Variants in CBLB observed in about 807,000 individuals in gnomAD.
The protein encoded by CBLB is Cbl proto-oncogene B.
A neutral mutation model predicts 104.9 loss-of-function variants in CBLB; 31 were observed. That is an observed-to-expected ratio of 0.30 (90% confidence interval 0.22 to 0.40). The LOEUF (loss-of-function observed/expected upper bound fraction) is 0.40. Among genes scored for constraint, CBLB ranks in the 10% least tolerant of loss-of-function variants. The pLI, the probability that CBLB is intolerant of heterozygous loss-of-function variation, is 1.00. For missense variants in CBLB, 1,062 were observed against 1,214.6 expected, an observed-to-expected ratio of 0.87 and a Z score of 1.87; for synonymous variants, 440 against 422.6, an observed-to-expected ratio of 1.04 and a Z score of -0.51.
chr3:105,747,763 A>T (rs775039703), intron 5 of CBLB, among the ~76,000 whole-genome samples: 6 of 152,200 alleles, frequency 3.9e-5, no homozygotes, highest in Admixed American at 3.3e-4. Context: ...GAAATACCAA[A>T]CAAATATTTG....
chr3:105,781,408 C>G (rs2080238761), intron 3 of CBLB, among the ~76,000 whole-genome samples: 1 of 152,058 alleles, frequency 6.6e-6, no homozygotes, highest in African/African-American at 2.4e-5. Context: ...GCATATAATG[C>G]TTGATGGAGG....
chr3:105,836,019 T>C (rs1028654291), intron 3 of CBLB, among the ~76,000 whole-genome samples: 43 of 152,218 alleles, frequency 2.8e-4, no homozygotes, highest in African/African-American at 5.3e-4. Flanking sequence ...GATCTTCCAA[T>C]ATAAAGGTTA....
chr3:105,739,017 C>T (rs961586554), intron 7 of CBLB, among the ~76,000 whole-genome samples: 1 of 152,156 alleles, frequency 6.6e-6, no homozygotes, highest in Non-Finnish European at 1.5e-5. Flanking sequence ...AGGTGATTAA[C>T]CCATCTTAGC....
chr3:105,822,761 T>C (rs1449503819), intron 3 of CBLB, among the ~76,000 whole-genome samples: 2 of 152,230 alleles, frequency 1.3e-5, no homozygotes, highest in Middle Eastern at 3.2e-3. Context: ...ATATTACTAA[T>C]ATTATTCACT....
intron 9 of CBLB, among the ~76,000 whole-genome samples, chr3:105,731,529 T>A (rs2074313325): frequency 6.6e-6 from 1 of 152,206 alleles, no homozygotes; most frequent in African/African-American, 2.4e-5. Flanking sequence ...TTAAGAAGTA[T>A]ATAGAAAGTA....
At chr3:105,869,135 G>T, upstream of CBLB, 1 of 754,130 alleles carries the variant, frequency 1.3e-6, no homozygotes, top group Non-Finnish European at 1.8e-6. Context: ...GCAGCCAATG[G>T]ACGGGAGGCG....
chr3:105,716,803 TAA>T (rs1379832303), intron 10 of CBLB, among the ~76,000 whole-genome samples: 1 of 152,184 alleles, frequency 6.6e-6, no homozygotes, highest in Non-Finnish European at 1.5e-5. Context: ...GACTGCCAAA[TAA>T]GCTACTGAAG....
At chr3:105,702,485 A>AAAC in intron 11 of CBLB, 26 bp from the exon 12 acceptor site, 3 of 1,469,384 alleles carry the variant, frequency 2.0e-6, no homozygotes, top group African/African-American at 1.4e-5. Flanking sequence ...AGAAAAAAAA[A>AAAC]AAAAAAAAAA....
At chr3:105,858,867 G>C (rs2091857728) in intron 2 of CBLB, among the ~76,000 whole-genome samples, 1 of 152,106 alleles carries the variant, frequency 6.6e-6, no homozygotes, top group Admixed American at 6.5e-5. Flanking sequence ...AAATGTATTA[G>C]AAATATTTAA....
At chr3:105,766,378 C>G (rs1290476265) in intron 4 of CBLB, among the ~76,000 whole-genome samples, 2 of 152,120 alleles carry the variant, frequency 1.3e-5, no homozygotes, top group Non-Finnish European at 2.9e-5. Context: ...GGACTGACTC[C>G]AATTTTGAAT....
At chr3:105,731,389 CA>C (rs2074296219) in intron 9 of CBLB, among the ~76,000 whole-genome samples, 1 of 152,054 alleles carries the variant, frequency 6.6e-6, no homozygotes, top group Non-Finnish European at 1.5e-5. Flanking sequence ...TTGATAGAAA[CA>C]AGAGTTAAGG....
At chr3:105,732,064 C>T (rs892452999) in intron 9 of CBLB, among the ~76,000 whole-genome samples, 4 of 152,188 alleles carry the variant, frequency 2.6e-5, no homozygotes, top group East Asian at 3.9e-4. Context: ...GTAAAAACCA[C>T]ACTACCACCC....
chr3:105,820,892 T>C (rs2085748298), intron 3 of CBLB, among the ~76,000 whole-genome samples: 1 of 152,134 alleles, frequency 6.6e-6, no homozygotes, highest in African/African-American at 2.4e-5. Context: ...TTCCTTTTTG[T>C]TCTTTACTCA....
intron 3 of CBLB, among the ~76,000 whole-genome samples, chr3:105,791,220 C>T (rs80190767): frequency 0.073 from 11,054 of 152,150 alleles, 572 homozygotes; most frequent in East Asian, 0.29. Context: ...CAATAGTGCA[C>T]AGAGAAGAAT....
Position 105,702,268 on chromosome 3 carries a change from A to G in CBLB, c.1785T>C (p.Pro595=). 1 of 1,613,982 alleles carries G rather than the reference A, an allele frequency of 6.2e-7. No individual in the cohort carries two copies. The highest frequency in any genetic ancestry group is 2.2e-5 in the East Asian group (1 of 44,862). The change falls in exon 12 of 19, where the codon CCT becomes CCC. Residue 595 remains proline, a synonymous_variant. Coordinates refer to ENST00000394030, the MANE Select transcript of CBLB (RefSeq NM_170662.5). ...DPPMPLEAWC[P]RDVFGTNQLV... ...GCTGATTAGTCCCAAACACATCCCG[A>G]GGGCACCATGCTTCAAGAGGCATTG...
At chr3:105,735,267 C>T (rs1235169343) in intron 8 of CBLB, among the ~76,000 whole-genome samples, 1 of 151,908 alleles carries the variant, frequency 6.6e-6, no homozygotes, top group South Asian at 2.1e-4. Flanking sequence ...TGTGAATATA[C>T]AAAAATTTTG....
chr3:105,843,204 C>T (rs1249197477), intron 3 of CBLB, among the ~76,000 whole-genome samples: 1 of 152,132 alleles, frequency 6.6e-6, no homozygotes, highest in East Asian at 1.9e-4. Context: ...ATTCAACATG[C>T]CACTTTCAGA....
chr3:105,733,550 C>T (rs1299670444), intron 9 of CBLB, among the ~76,000 whole-genome samples: 2 of 152,154 alleles, frequency 1.3e-5, no homozygotes, highest in Admixed American at 1.3e-4. Flanking sequence ...AGAGATACTT[C>T]CTGTCTGATT....
chr3:105,862,088 C>A (rs569596371), intron 2 of CBLB, among the ~76,000 whole-genome samples: 1 of 152,152 alleles, frequency 6.6e-6, no homozygotes, highest in East Asian at 1.9e-4. Context: ...TATTTAATTA[C>A]ACCCCTCAAT....
Sources: allele counts gnomAD v4.1 joint callset (sites outside exome capture counted in the v4.1 genomes callset), GRCh38; gene constraint gnomAD v4.1.1; transcripts MANE v1.5; gene names NCBI Gene and HGNC (gene_info 2026-07-23, HGNC 2026-07-21).